CSMD3: variants seen among roughly 807,000 people sequenced by gnomAD.
CSMD3 encodes the protein CUB and sushi domain-containing protein 3.
A neutral mutation model predicts 435.2 loss-of-function variants in CSMD3; 177 were observed. The ratio of observed to expected loss-of-function variants is 0.41; its 90% confidence interval spans 0.36 to 0.46. CSMD3 has a LOEUF of 0.46. CSMD3 is among the 20% of genes least tolerant of loss of function. The probability of loss-of-function intolerance (pLI) is 0.34; values close to 1 mark genes in which losing one functional copy is unlikely to be tolerated. For synonymous variants in CSMD3, 1,656 were observed against 1,520.5 expected (o/e 1.09, Z -2.07); for missense variants, 4,265 against 4,504.6 (o/e 0.95, Z 1.52).
intron 1 of CSMD3, among the ~76,000 whole-genome samples, chr8:113,334,300 T>TC (rs1563713663): frequency 4.0e-5 from 5 of 126,356 alleles, no homozygotes; most frequent in East Asian, 4.9e-4. Flanking sequence ...TTTTTTCATT[T>TC]CCAGCCTGTG....
chr8:113,357,510 A>G (rs182236206), intron 1 of CSMD3, among the ~76,000 whole-genome samples: 35 of 152,342 alleles, frequency 2.3e-4, no homozygotes, highest in Non-Finnish European at 1.5e-4. Flanking sequence ...AAATTTAAAA[A>G]TGAAAGAAGT....
At chr8:112,427,128 CT>C (rs1813143779) in intron 32 of CSMD3, among the ~76,000 whole-genome samples, 1 of 152,146 alleles carries the variant, frequency 6.6e-6, no homozygotes, top group South Asian at 2.1e-4. Context: ...TGATTGATGG[CT>C]TCCTGTCTTG....
intron 45 of CSMD3, among the ~76,000 whole-genome samples, chr8:112,325,568 T>C (rs561321141): frequency 6.6e-6 from 1 of 152,266 alleles, no homozygotes; most frequent in Non-Finnish European, 1.5e-5. Context: ...CATAATCCAG[T>C]GTTCAGCACG....
chr8:113,072,532 G>A (rs1407663198), intron 5 of CSMD3, among the ~76,000 whole-genome samples: 2 of 151,422 alleles, frequency 1.3e-5, no homozygotes, highest in African/African-American at 2.4e-5. Flanking sequence ...AATTTTCTTT[G>A]ATCTCATCTA....
intron 61 of CSMD3, among the ~76,000 whole-genome samples, chr8:112,261,522 ATG>A (rs373332577): frequency 1.0e-4 from 15 of 150,610 alleles, no homozygotes; most frequent in Admixed American, 4.0e-4. Context: ...ACGTGTATGC[ATG>A]TGTGTGTGTG....
chr8:113,087,589 C>G (rs1259492438), intron 5 of CSMD3, among the ~76,000 whole-genome samples: 48 of 151,914 alleles, frequency 3.2e-4, no homozygotes, highest in African/African-American at 1.0e-3. Flanking sequence ...ACAAACCTGA[C>G]AAAAACAAGA....
chr8:113,413,473 A>G (rs1040362959), intron 1 of CSMD3, among the ~76,000 whole-genome samples: 1 of 152,142 alleles, frequency 6.6e-6, no homozygotes, highest in South Asian at 2.1e-4. Context: ...TACACTGTCA[A>G]CTAAGCTTCA....
At chr8:112,754,067 C>G (rs771411794) in intron 13 of CSMD3, among the ~76,000 whole-genome samples, 2 of 152,150 alleles carry the variant, frequency 1.3e-5, no homozygotes, top group South Asian at 2.1e-4. Flanking sequence ...GCAAGCTTGA[C>G]AGAAAGCTGT....
chr8:113,193,459 C>T (rs2092613268), intron 3 of CSMD3, among the ~76,000 whole-genome samples: 1 of 151,022 alleles, frequency 6.6e-6, no homozygotes, highest in South Asian at 2.1e-4. Context: ...TGCTTCTTAG[C>T]TTTTCCTACT....
At chr8:113,128,853 GT>G (rs1407283609) in intron 4 of CSMD3, among the ~76,000 whole-genome samples, 2 of 152,040 alleles carry the variant, frequency 1.3e-5, no homozygotes, top group East Asian at 1.9e-4. Context: ...AGCGAATACA[GT>G]TTTTGAGGCA....
rs2130675541 is a variant in CSMD3, at chr8:112,291,502, C to T, written c.8974+8G>A. 6.4e-7 allele frequency: 1 copy of T among 1,574,464 alleles called. No homozygotes were observed. ...GTTCTCAAGAAACAATTCACATTAT[C>T]TACTTACTGATACATTCTGGTAAAG... On this transcript the variant is annotated splice_region_variant and intron_variant, in intron 56 of 70. Transcript: ENST00000297405.
In CSMD3 at chr8:112,800,150, A is replaced by C; in HGVS notation, c.1972+12T>G. 6.5e-7 allele frequency: 1 copy of C among 1,528,186 alleles called. No homozygotes were observed. The allele number at this position is 1,528,186 out of a possible 1,614,324, so 94.7% of individuals were successfully genotyped here. A position where few individuals can be genotyped will look rare whatever the true frequency, so the allele number is the denominator to read the frequency against. On this transcript the variant is annotated intron_variant, in intron 13 of 70. Transcript: ENST00000297405. Reference sequence around the variant, plus strand: ...TTAAGATAACATTTCCTATGTAGAAATTAATCATTACCTTTGTAGTTAACC... The same window carrying C: ...TTAAGATAACATTTCCTATGTAGAACTTAATCATTACCTTTGTAGTTAACC...
intron 31 of CSMD3, among the ~76,000 whole-genome samples, chr8:112,489,197 C>G (rs1021394426): frequency 1.3e-5 from 2 of 152,036 alleles, no homozygotes; most frequent in Non-Finnish European, 2.9e-5. Context: ...GCGGGAGGAT[C>G]ACTTGAGGCC....
intron 1 of CSMD3, among the ~76,000 whole-genome samples, chr8:113,381,875 C>A (rs982088781): frequency 2.6e-5 from 4 of 152,076 alleles, no homozygotes; most frequent in African/African-American, 9.7e-5. Context: ...TTTAGTTTTG[C>A]CCATTCACAA....
chr8:113,186,062 C>G (rs2092496052), intron 3 of CSMD3, among the ~76,000 whole-genome samples: 1 of 151,998 alleles, frequency 6.6e-6, no homozygotes, highest in Non-Finnish European at 1.5e-5. Flanking sequence ...ACTCCTGTAT[C>G]CACTCATTTC....
intron 11 of CSMD3, among the ~76,000 whole-genome samples, chr8:112,850,976 G>C (rs2080466452): frequency 6.6e-6 from 1 of 152,122 alleles, no homozygotes; most frequent in Admixed American, 6.6e-5. Context: ...AATGAGTTTT[G>C]TGTAGTTATT....
chr8:113,420,234 T>C (rs894680753), intron 1 of CSMD3, among the ~76,000 whole-genome samples: 1 of 152,068 alleles, frequency 6.6e-6, no homozygotes, highest in Non-Finnish European at 1.5e-5. Context: ...CAAAACACAA[T>C]GTTTTCAAAT....
intron 9 of CSMD3, 80 bp downstream of exon 9, chr8:112,947,710 T>C (rs921640731): frequency 2.9e-6 from 2 of 697,232 alleles, no homozygotes; most frequent in Non-Finnish European, 5.2e-6. Flanking sequence ...TTCATCTTTA[T>C]ATTATTAGCT....
rs147640061 is a variant in CSMD3 at position 112,682,458 on chromosome 8, C to T, written c.2661G>A (p.Leu887=). 1.2e-6 allele frequency: 2 copies of T among 1,611,908 alleles called. No homozygotes were observed. The highest frequency in any genetic ancestry group is 8.5e-7 in the Non-Finnish European group (1 of 1,179,526). ...LMDGKVMWSG[L]IPKCGAPCGG... ...TACACTTACCTCCACATTTTGGAAT[C>T]AGTCCACTCCACATTACTTTTCCAT... Residue 887 remains leucine (L), a synonymous_variant, in exon 16 of 71, where the codon CTG becomes CTA. Transcript: ENST00000297405.
Sources: allele counts gnomAD v4.1 joint callset (sites outside exome capture counted in the v4.1 genomes callset), GRCh38; gene constraint gnomAD v4.1.1; transcripts MANE v1.5; gene names NCBI Gene and HGNC (gene_info 2026-07-23, HGNC 2026-07-21).